SLC25A48: variants seen among roughly 807,000 people sequenced by gnomAD.
SLC25A48 encodes the protein CTC-321K16.1.
Under a neutral mutation model 32.2 loss-of-function variants are expected in SLC25A48, and 29 were observed. That is an observed-to-expected ratio of 0.90 (90% CI 0.67 to 1.23). SLC25A48 has a LOEUF of 1.23. Ranked by LOEUF, SLC25A48 falls within the 50% of genes most tolerant of loss-of-function variation. SLC25A48 has a pLI of 0.00. For missense variants in SLC25A48, 399 were observed against 422.7 expected (o/e 0.94, Z 0.49); for synonymous variants, 164 against 172.3 (o/e 0.95, Z 0.38).
chr5:135,789,523 G>A (rs1453141819), intron 3 of SLC25A48, among the ~76,000 whole-genome samples: 3 of 151,872 alleles, frequency 2.0e-5, no homozygotes, highest in African/African-American at 4.8e-5. Flanking sequence ...ATCCAGGAGG[G>A]GAGAGGGTGG....
At chr5:135,652,753 T>C (rs1324741668) in intron 3 of SLC25A48, among the ~76,000 whole-genome samples, 1 of 152,254 alleles carries the variant, frequency 6.6e-6, no homozygotes, top group African/African-American at 2.4e-5. Flanking sequence ...CTTACTATTA[T>C]GTCTAGTAAT....
chr5:135,658,509 A>G (rs1753307758), intron 3 of SLC25A48, among the ~76,000 whole-genome samples: 1 of 152,056 alleles, frequency 6.6e-6, no homozygotes, highest in Non-Finnish European at 1.5e-5. Context: ...GGTGCAAGCT[A>G]TTGGTGGGTC....
intron 3 of SLC25A48, among the ~76,000 whole-genome samples, chr5:135,638,112 G>A (rs2521968): frequency 6.6e-6 from 1 of 151,906 alleles, no homozygotes; most frequent in Non-Finnish European, 1.5e-5. Context: ...TAACATATTC[G>A]CTGCAATTGT....
intron 3 of SLC25A48, among the ~76,000 whole-genome samples, chr5:135,647,953 G>A (rs1156459246): frequency 6.6e-6 from 1 of 152,076 alleles, no homozygotes; most frequent in Non-Finnish European, 1.5e-5. Flanking sequence ...AGAGAGGAAG[G>A]TGGTGGTCCT....
intron 3 of SLC25A48, among the ~76,000 whole-genome samples, chr5:135,709,463 A>G (rs1050151085): frequency 6.6e-6 from 1 of 152,240 alleles, no homozygotes; most frequent in Non-Finnish European, 1.5e-5. Flanking sequence ...AGAGCCTGAT[A>G]CAAATCTAAA....
chr5:135,808,493 C>T (rs1242379863), intron 3 of SLC25A48, among the ~76,000 whole-genome samples: 1 of 151,938 alleles, frequency 6.6e-6, no homozygotes, highest in Non-Finnish European at 1.5e-5. Flanking sequence ...AATACTTTAC[C>T]ATAACCATTT....
rs189649768 is a variant in SLC25A48 at position 135,777,397 on chromosome 5, T to C, written c.-520-35126T>C. The stretch of plus-strand genomic sequence containing the variant: ...AGGGGGAGTACAGCCCCAGTGTGAT[T>C]TTTTATTATATCCAGAGGGAGAGAG... On this transcript the variant is annotated intron_variant, in intron 3 of 10. Coordinates refer to the SLC25A48 transcript ENST00000646290. Among the ~76,000 whole-genome samples the C allele has an allele frequency of 1.7e-3, 265 of 151,716 alleles. 1 individual carries two copies. The highest frequency in any genetic ancestry group is 6.2e-3 in the African/African-American group (257 of 41,364).
At chr5:135,600,969 T>G (rs1330956414) in intron 1 of SLC25A48, 1 of 151,716 alleles carries the variant, frequency 6.6e-6, no homozygotes, top group Non-Finnish European at 1.5e-5. Context: ...GGATTACAGG[T>G]GTGAGACACC....
chr5:135,776,059 A>G (rs1408210399), intron 3 of SLC25A48, among the ~76,000 whole-genome samples: 1 of 151,870 alleles, frequency 6.6e-6, no homozygotes, highest in Non-Finnish European at 1.5e-5. Flanking sequence ...AAAGAAGGTT[A>G]TTACTCCAAA....
chr5:135,616,121 CA>C (rs1207412798), intron 1 of SLC25A48, among the ~76,000 whole-genome samples: 1 of 152,208 alleles, frequency 6.6e-6, no homozygotes, highest in Non-Finnish European at 1.5e-5. Flanking sequence ...AAGACTGTCG[CA>C]GGGGCAGAGC....
intron 1 of SLC25A48, among the ~76,000 whole-genome samples, chr5:135,624,891 G>A (rs35547980): frequency 1.3e-5 from 2 of 152,188 alleles, no homozygotes; most frequent in Admixed American, 6.5e-5. Flanking sequence ...TGGTGACAAA[G>A]CATTGCTAAT....
intron 3 of SLC25A48, among the ~76,000 whole-genome samples, chr5:135,778,500 G>A (rs1030940835): frequency 2.0e-5 from 3 of 151,576 alleles, no homozygotes; most frequent in African/African-American, 4.8e-5. Flanking sequence ...GGGAGGAAGA[G>A]GATGATATTA....
At chr5:135,654,626 T>A (rs1753199377) in intron 3 of SLC25A48, among the ~76,000 whole-genome samples, 1 of 152,198 alleles carries the variant, frequency 6.6e-6, no homozygotes, top group South Asian at 2.1e-4. Context: ...ATTTTATGTA[T>A]CAACTTGGCT....
intron 3 of SLC25A48, among the ~76,000 whole-genome samples, chr5:135,643,938 G>A (rs1301398483): frequency 6.6e-6 from 1 of 152,090 alleles, no homozygotes; most frequent in African/African-American, 2.4e-5. Context: ...CAAGGCTGCT[G>A]CTAGTAAAAG....
chr5:135,723,983 G>C (rs6596262), intron 3 of SLC25A48, among the ~76,000 whole-genome samples: 109,556 of 152,122 alleles, frequency 0.72, 40,677 homozygotes, highest in Middle Eastern at 0.85. Flanking sequence ...AAGACTGGAG[G>C]TCTTCTCTAC....
intron 1 of SLC25A48, among the ~76,000 whole-genome samples, chr5:135,836,887 G>A (rs1758551783): frequency 6.6e-6 from 1 of 151,128 alleles, no homozygotes; most frequent in Non-Finnish European, 1.5e-5. Flanking sequence ...ACCAGAATCT[G>A]CCATCTTAAT....
chr5:135,800,358 C>T (rs765495977), intron 3 of SLC25A48, among the ~76,000 whole-genome samples: 13 of 151,870 alleles, frequency 8.6e-5, no homozygotes, highest in Non-Finnish European at 1.3e-4. Flanking sequence ...TTCCCAATAT[C>T]GAAGGGGGTG....
At chr5:135,749,592 G>T (rs1755722546) in intron 3 of SLC25A48, among the ~76,000 whole-genome samples, 1 of 151,612 alleles carries the variant, frequency 6.6e-6, no homozygotes, top group Admixed American at 6.6e-5. Context: ...TTTTTTTTGG[G>T]GTGGGGTGGT....
At chr5:135,665,765 G>GAAA (rs10648621) in intron 3 of SLC25A48, among the ~76,000 whole-genome samples, 96,299 of 147,880 alleles carry the variant, frequency 0.65, 31,846 homozygotes, top group Middle Eastern at 0.76. Context: ...TATTCTTTTT[G>GAAA]AAAAAAAAAA....
Sources: gnomAD v4.1 joint callset for allele counts (sites outside exome capture counted in the v4.1 genomes callset) on GRCh38, gnomAD v4.1.1 for gene constraint, MANE v1.5 for transcripts, NCBI Gene and HGNC (gene_info 2026-07-23, HGNC 2026-07-21) for gene names.